SYNRG: variants seen among roughly 807,000 people sequenced by gnomAD.
The protein encoded by SYNRG is AP1 gamma subunit binding protein 1.
In SYNRG, 37 loss-of-function variants were observed where a neutral mutation model predicts 130.9. That is an observed-to-expected ratio of 0.28 (90% CI 0.22 to 0.37). The LOEUF is 0.37. Ranked by LOEUF, SYNRG falls within the 10% of genes least tolerant of loss-of-function variation. The pLI is 1.00. For synonymous variants in SYNRG, 539 were observed against 568.1 expected, an observed-to-expected ratio of 0.95 and a Z score of 0.73; for missense variants, 1,338 against 1,588.9, an observed-to-expected ratio of 0.84 and a Z score of 2.68.
At chr17:37,568,985 A>C in intron 10 of SYNRG, 61 bp from the exon 11 acceptor site, 1 of 1,540,504 alleles carries the variant, frequency 6.5e-7, no homozygotes, top group Non-Finnish European at 8.8e-7. Context: ...TACACAACAA[A>C]TCAAAAGTCA....
At chr17:37,608,146 G>C (rs1233677921) in intron 1 of SYNRG, among the ~76,000 whole-genome samples, 1 of 151,924 alleles carries the variant, frequency 6.6e-6, no homozygotes, top group East Asian at 1.9e-4. Context: ...TAAAGTTAAA[G>C]ATGTGCAGAG....
Position 37,565,965 on chromosome 17 carries a change from G to A in SYNRG, c.1481+2826C>T, listed in dbSNP as rs1257265495. On this transcript the variant is annotated intron_variant, in intron 11 of 21. Transcript: ENST00000612223. The stretch of plus-strand genomic sequence containing the variant: ...CCGCCCCGTCCGGGAGGGAGGTGGG[G>A]GGGTCAGCCCCCTGCCCGGCCAGCC... Among the ~76,000 whole-genome samples the A allele has an allele frequency of 5.3e-5, 8 of 151,270 alleles. No individual in the cohort carries two copies. The South Asian group carries it at 1.5e-3, about 28-fold the overall frequency.
At chr17:37,563,005 C>A (rs2059657183) in intron 11 of SYNRG, among the ~76,000 whole-genome samples, 1 of 151,792 alleles carries the variant, frequency 6.6e-6, no homozygotes, top group Non-Finnish European at 1.5e-5. Context: ...AAAAAAACAA[C>A]AACAGAATCT....
At chr17:37,582,900 T>C (rs2061438479) in intron 6 of SYNRG, among the ~76,000 whole-genome samples, 1 of 152,116 alleles carries the variant, frequency 6.6e-6, no homozygotes, top group Non-Finnish European at 1.5e-5. Context: ...TTCAGTATTT[T>C]AAGATAAACA....
At chr17:37,608,176 C>T (rs1281563555) in intron 1 of SYNRG, among the ~76,000 whole-genome samples, 1 of 150,126 alleles carries the variant, frequency 6.7e-6, no homozygotes, top group Admixed American at 6.6e-5. Context: ...AATGGGGTTA[C>T]ACACAGGTGG....
intron 19 of SYNRG, among the ~76,000 whole-genome samples, chr17:37,531,560 G>C (rs939461912): frequency 6.6e-6 from 1 of 152,092 alleles, no homozygotes; most frequent in Non-Finnish European, 1.5e-5. Context: ...TGGATTCCTT[G>C]AGCCCACGGA....
At chr17:37,566,109 C>T (rs547129438) in intron 11 of SYNRG, among the ~76,000 whole-genome samples, 37 of 152,310 alleles carry the variant, frequency 2.4e-4, no homozygotes, top group African/African-American at 7.2e-4. Flanking sequence ...CCCCTCTGCC[C>T]GGCCACCACC....
At chr17:37,604,490 T>C (rs1201202251) in intron 1 of SYNRG, among the ~76,000 whole-genome samples, 2 of 152,228 alleles carry the variant, frequency 1.3e-5, no homozygotes, top group Non-Finnish European at 2.9e-5. Context: ...CTAAGGATCT[T>C]GCTTCAAATT....
chr17:37,540,344 C>G (rs1424891829), intron 16 of SYNRG, 36 bp downstream of exon 16: 8 of 1,604,972 alleles, frequency 5.0e-6, no homozygotes, highest in Non-Finnish European at 6.8e-6. Flanking sequence ...GCTTGCTGGT[C>G]TGTTACCCAC....
At chr17:37,587,331 G>A (rs866440446) in intron 3 of SYNRG, among the ~76,000 whole-genome samples, 1 of 152,080 alleles carries the variant, frequency 6.6e-6, no homozygotes, top group African/African-American at 2.4e-5. Context: ...CTAATATTAA[G>A]AATGATGACA....
At chr17:37,603,587 C>T (rs2063484574) in intron 1 of SYNRG, among the ~76,000 whole-genome samples, 3 of 152,222 alleles carry the variant, frequency 2.0e-5, no homozygotes, top group African/African-American at 7.2e-5. Flanking sequence ...TTAACCTTCT[C>T]ATGCATTGCC....
chr17:37,586,377 A>C (rs1048817363), intron 4 of SYNRG, 42 bp downstream of exon 4: 1 of 1,611,060 alleles, frequency 6.2e-7, no homozygotes, highest in South Asian at 1.1e-5. Flanking sequence ...GATAGATGCT[A>C]TAATGTATCT....
chr17:37,552,117 A>G (rs972223626), intron 14 of SYNRG, among the ~76,000 whole-genome samples: 7 of 152,194 alleles, frequency 4.6e-5, no homozygotes, highest in African/African-American at 1.7e-4. Context: ...GGACTTTACA[A>G]TTTCTGCCTG....
chr17:37,525,189 A>G (rs2143967027), intron 19 of SYNRG, among the ~76,000 whole-genome samples: 3 of 152,360 alleles, frequency 2.0e-5, no homozygotes, highest in Admixed American at 2.0e-4. Context: ...GTCATCATAT[A>G]AGAAGGTATG....
At chr17:37,579,750 G>A (rs530583934) in intron 6 of SYNRG, among the ~76,000 whole-genome samples, 1 of 152,118 alleles carries the variant, frequency 6.6e-6, no homozygotes, top group Non-Finnish European at 1.5e-5. Flanking sequence ...TGTCACCTAG[G>A]CTACAGTGCT....
chr17:37,590,723 C>A lies in SYNRG; in HGVS notation c.241-4174G>T, dbSNP rs773937086. 6.6e-5 allele frequency among the ~76,000 whole-genome samples: 10 copies of A among 152,022 alleles called. No individual in the cohort carries two copies. In the East Asian group the frequency reaches 1.9e-3, roughly 29 times the overall value. ...ATTGCTTGAGGTCAGGAGTTCGAGA[C>A]CAGCCTGGCCGACATGGTGAAACCC... On this transcript the variant is annotated intron_variant, in intron 3 of 21. Transcript: ENST00000612223.
chr17:37,519,037 G>C lies in SYNRG; in HGVS notation c.3848C>G (p.Ala1283Gly). The change falls in exon 22 of 22, where the codon GCC (alanine) becomes GGC (glycine). Residue 1283 changes from alanine to glycine, a missense_variant. Ala to Gly is a moderately conservative substitution (Grantham distance 60, BLOSUM62 0). Around this residue, in one of 3 missense-constraint regions of SYNRG, gnomAD observed 1,146 missense variants for 1,342.3 expected, o/e 0.85. Transcript: ENST00000612223. ...GGCGTGATACTGGTGCCCTCCATAGGCCAGCTTGAAACTGTCTGTTTCTGA... is the reference window on the plus strand; with the variant it reads ...GGCGTGATACTGGTGCCCTCCATAGCCCAGCTTGAAACTGTCTGTTTCTGA... ...FNSETDSFKL[A>G]YGGHQYHASC... 6.2e-7 allele frequency: 1 copy of C among 1,614,188 alleles called. No homozygotes were observed. Among genetic ancestry groups the C allele is most frequent in the Non-Finnish European group, 8.5e-7 (1 of 1,180,028 alleles).
chr17:37,566,538 T>G (rs1160116420), intron 11 of SYNRG, among the ~76,000 whole-genome samples: 1 of 148,328 alleles, frequency 6.7e-6, no homozygotes, highest in Non-Finnish European at 1.5e-5. Context: ...ACCAGAGACC[T>G]TTGTTCACTT....
At chr17:37,593,035 T>G (rs760919507) in intron 3 of SYNRG, among the ~76,000 whole-genome samples, 2 of 152,184 alleles carry the variant, frequency 1.3e-5, no homozygotes, top group Non-Finnish European at 2.9e-5. Flanking sequence ...TAAAATGTAT[T>G]GTACATCATG....
Sources: allele counts gnomAD v4.1 joint callset (sites outside exome capture counted in the v4.1 genomes callset), GRCh38; gene constraint gnomAD v4.1.1; regional missense constraint gnomAD v4.1.1; transcripts MANE v1.5; gene names NCBI Gene and HGNC (gene_info 2026-07-23, HGNC 2026-07-21).